CACNA1D: variants seen among roughly 807,000 people sequenced by gnomAD.
CACNA1D encodes calcium voltage-gated channel subunit alpha1 D.
Under a neutral mutation model 257.1 loss-of-function variants are expected in CACNA1D, and 55 were observed. The ratio of observed to expected loss-of-function variants is 0.21; its 90% CI spans 0.17 to 0.27. The LOEUF (loss-of-function observed/expected upper bound fraction) is 0.27. CACNA1D is among the 10% of genes least tolerant of loss of function. The probability of loss-of-function intolerance (pLI) is 1.00; values close to 1 mark genes in which losing one functional copy is unlikely to be tolerated. For missense variants in CACNA1D, 1,876 were observed against 2,784.0 expected, an observed-to-expected ratio of 0.67 and a Z score of 7.34; for synonymous variants, 980 against 1,014.9, an observed-to-expected ratio of 0.97 and a Z score of 0.65.
intron 3 of CACNA1D, among the ~76,000 whole-genome samples, chr3:53,635,018 T>C (rs954474938): frequency 6.6e-6 from 1 of 152,150 alleles, no homozygotes; most frequent in Non-Finnish European, 1.5e-5. Context: ...CAAAAACATA[T>C]GTTAAAAATT....
At chr3:53,497,042 G>A (rs1322095181) in intron 1 of CACNA1D, 110 bp from the exon 2 acceptor site, 3 of 825,348 alleles carry the variant, frequency 3.6e-6, no homozygotes, top group Non-Finnish European at 6.0e-6. Flanking sequence ...TGGAAACATA[G>A]GAGTGAATGA....
chr3:53,594,093 G>A (rs114644473), intron 3 of CACNA1D, among the ~76,000 whole-genome samples: 4 of 152,340 alleles, frequency 2.6e-5, no homozygotes, highest in African/African-American at 7.2e-5. Flanking sequence ...TAGGGAGTGT[G>A]CACGTGTGTC....
At chr3:53,736,561 A>G (rs6800641) in intron 20 of CACNA1D, among the ~76,000 whole-genome samples, 39,507 of 152,034 alleles carry the variant, frequency 0.26, 5,546 homozygotes, top group African/African-American at 0.35. Flanking sequence ...GCGGTTTACA[A>G]TATTACTTTT....
chr3:53,515,711 G>A (rs2091306006), intron 3 of CACNA1D, among the ~76,000 whole-genome samples: 1 of 152,234 alleles, frequency 6.6e-6, no homozygotes, highest in Admixed American at 6.5e-5. Context: ...CAGGACCCAG[G>A]TGATGGGCTT....
intron 3 of CACNA1D, among the ~76,000 whole-genome samples, chr3:53,641,144 G>A (rs1017012766): frequency 6.6e-6 from 1 of 152,138 alleles, no homozygotes; most frequent in African/African-American, 2.4e-5. Context: ...CATCAGGAGG[G>A]GCAGGGGCAC....
intron 4 of CACNA1D, among the ~76,000 whole-genome samples, chr3:53,651,464 G>A (rs13065154): frequency 0.13 from 18,830 of 140,642 alleles, 1,491 homozygotes; most frequent in Middle Eastern, 0.23. Context: ...ATAATGTCAC[G>A]TATCTGGCAT....
At chr3:53,618,833 G>A (rs140019193) in intron 3 of CACNA1D, among the ~76,000 whole-genome samples, 4 of 152,344 alleles carry the variant, frequency 2.6e-5, no homozygotes, top group African/African-American at 9.6e-5. Context: ...TGCACAGACT[G>A]AGATTGAAAT....
chr3:53,577,918 A>G (rs919992793), intron 3 of CACNA1D, among the ~76,000 whole-genome samples: 9 of 151,734 alleles, frequency 5.9e-5, no homozygotes, highest in South Asian at 2.1e-4. Flanking sequence ...TTTTAATTCT[A>G]TGTCCTCTCA....
Position 53,702,998 on chromosome 3 carries a change from T to C in CACNA1D, c.1390+188T>C, listed in dbSNP as rs117354320. Among the ~76,000 whole-genome samples, 606 of 152,318 alleles carry C rather than the reference T, an allele frequency of 4.0e-3. 21 individuals carry two copies. The East Asian group carries it at 0.081, about 20-fold the overall frequency. On this transcript the variant is annotated intron_variant, in intron 9 of 47. Transcript: ENST00000350061. ...TTGGTGCTGACTCTGGATTTCTGCC[T>C]GAGGTTTGGGGTTTAGAGTTGTATT...
At position 53,574,651 on chromosome 3, in the gene CACNA1D, CT is replaced by C. The variant is rs753403461; in HGVS notation, c.483+72932del. Among the ~76,000 whole-genome samples the C allele has an allele frequency of 3.3e-5, 5 of 152,048 alleles. No individual in the cohort carries two copies. In the South Asian group the frequency reaches 6.2e-4, roughly 19 times the overall value. ...CCCTTCCCTTGGGGAGCTGTGGCAT[CT>C]CCCCCACCCCCAGCACACTCACACC... On this transcript the variant is annotated intron_variant, in intron 3 of 47. Coordinates refer to ENST00000350061, the MANE Select transcript of CACNA1D (RefSeq NM_001128840.3).
In CACNA1D at chr3:53,786,923, C is replaced by G. The variant is rs1378631369; in HGVS notation, c.4894C>G (p.Pro1632Ala). The change falls in exon 40 of 48, where the codon CCT becomes GCT. Residue 1632 changes from proline (P) to alanine (A), a missense_variant. Pro to Ala is a conservative substitution (Grantham distance 27, BLOSUM62 -1). Transcript: ENST00000350061. ...RKEQGLVGKYPAKNTTIALQA... is the reference protein window; with the variant it reads ...RKEQGLVGKYAAKNTTIALQA... Reference sequence around the variant, plus strand: ...AGAACAAGGACTGGTGGGAAAGTACCCTGCGAAGAACACCACAATTGCCCT... The same window carrying G: ...AGAACAAGGACTGGTGGGAAAGTACGCTGCGAAGAACACCACAATTGCCCT... 6.2e-7 allele frequency: 1 copy of G among 1,614,030 alleles called. No homozygotes were observed. The highest frequency in any genetic ancestry group is 8.5e-7 in the Non-Finnish European group (1 of 1,179,922).
At chr3:53,505,115 G>GTTTTTTTTTTTTT (rs35938386) in intron 3 of CACNA1D, among the ~76,000 whole-genome samples, 8 of 97,616 alleles carry the variant, frequency 8.2e-5, no homozygotes, top group African/African-American at 1.2e-4. Flanking sequence ...TTGTTTATTT[G>GTTTTTTTTTTTTT]TTTTTTTTTT....
intron 3 of CACNA1D, among the ~76,000 whole-genome samples, chr3:53,526,627 A>G (rs527552362): frequency 6.6e-6 from 1 of 152,326 alleles, no homozygotes; most frequent in South Asian, 2.1e-4. Context: ...ACGCCCTCCA[A>G]TTGGCTACGT....
chr3:53,520,898 T>TTTC (rs2091542275), intron 3 of CACNA1D, among the ~76,000 whole-genome samples: 2 of 92,782 alleles, frequency 2.2e-5, no homozygotes, highest in Non-Finnish European at 4.5e-5. Context: ...TTCTTTCTTT[T>TTTC]CTTTTCTTTT....
chr3:53,716,873 G>T (rs549805860), intron 9 of CACNA1D, among the ~76,000 whole-genome samples: 1 of 152,164 alleles, frequency 6.6e-6, no homozygotes, highest in Non-Finnish European at 1.5e-5. Context: ...AGACCACTGG[G>T]TTCCTTGAGC....
At chr3:53,734,028 A>ATATATATATGTGTGTGTG (rs2095031821) in intron 19 of CACNA1D, among the ~76,000 whole-genome samples, 1 of 138,622 alleles carries the variant, frequency 7.2e-6, no homozygotes, top group Non-Finnish European at 1.5e-5. Flanking sequence ...ATATATATAT[A>ATATATATATGTGTGTGTG]TATATATATA....
intron 3 of CACNA1D, among the ~76,000 whole-genome samples, chr3:53,559,665 G>A (rs531472113): frequency 1.1e-4 from 16 of 152,226 alleles, no homozygotes; most frequent in East Asian, 3.9e-4. Flanking sequence ...TTTTAGGGTC[G>A]GATCCACAAC....
intron 3 of CACNA1D, among the ~76,000 whole-genome samples, chr3:53,509,014 C>T (rs532430462): frequency 5.9e-5 from 9 of 152,320 alleles, no homozygotes; most frequent in East Asian, 1.9e-4. Context: ...TAGATGTTAG[C>T]ATCCCCACCA....
At chr3:53,787,772 C>T (rs1458793512) in intron 40 of CACNA1D, among the ~76,000 whole-genome samples, 8 of 151,958 alleles carry the variant, frequency 5.3e-5, no homozygotes, top group Admixed American at 3.3e-4. Flanking sequence ...CTGTGAGTGC[C>T]GTGGATGAAG....
Sources: allele counts gnomAD v4.1 joint callset (sites outside exome capture counted in the v4.1 genomes callset), GRCh38; gene constraint gnomAD v4.1.1; transcripts MANE v1.5; gene names NCBI Gene and HGNC (gene_info 2026-07-23, HGNC 2026-07-21).